The following SEC16A variants were observed in gnomAD, a reference collection of about 807,000 sequenced individuals.
SEC16A encodes protein transport protein Sec16A.
Under a neutral mutation model 221.9 loss-of-function variants are expected in SEC16A, and 110 were observed. The ratio of observed to expected loss-of-function variants is 0.50; its 90% CI spans 0.42 to 0.58. The LOEUF is 0.58. Among genes scored for constraint, SEC16A ranks in the 20% least tolerant of loss-of-function variants. The pLI is 0.00. For missense variants in SEC16A, 3,165 were observed against 3,097.8 expected (o/e 1.02, Z -0.52); for synonymous variants, 1,393 against 1,257.7 (o/e 1.11, Z -2.28).
At position 136,463,489 on chromosome 9, in the gene SEC16A, T is replaced by A. The variant is rs1457892996; in HGVS notation, c.4621A>T (p.Ile1541Phe). ...KESASLLWNF[I>F]VLLCRQNGTV... ...CCATTTTGTCTGCATAAGAGAACAA[T>A]AAAATTCCAAAGAAGACTTGCAGAC... Residue 1541 changes from isoleucine to phenylalanine, a missense_variant, in exon 11 of 32, where the codon ATT becomes TTT. Ile to Phe is a conservative substitution (Grantham distance 21). Coordinates refer to ENST00000684901, the MANE Select transcript of SEC16A (RefSeq NM_014866.2). 1 of 1,613,738 alleles carries A rather than the reference T, an allele frequency of 6.2e-7. No individual in the cohort carries two copies. The highest frequency in any genetic ancestry group is 8.5e-7 in the Non-Finnish European group (1 of 1,179,852).
At chr9:136,442,727 G>A (rs909368126) in intron 31 of SEC16A, among the ~76,000 whole-genome samples, 1 of 152,242 alleles carries the variant, frequency 6.6e-6, no homozygotes, top group South Asian at 2.1e-4. Context: ...CAGGCAGAAC[G>A]GCCCTGGGGT....
At chr9:136,454,685 TC>T (rs1838359307) in intron 20 of SEC16A, among the ~76,000 whole-genome samples, 1 of 152,222 alleles carries the variant, frequency 6.6e-6, no homozygotes, top group South Asian at 2.1e-4. Flanking sequence ...ACTCGTTCAT[TC>T]CTTCATTCTT....
intron 17 of SEC16A, among the ~76,000 whole-genome samples, chr9:136,458,542 G>A (rs1052262314): frequency 1.2e-4 from 18 of 151,634 alleles, no homozygotes; most frequent in Non-Finnish European, 2.5e-4. Context: ...GAAGGAGAAT[G>A]GCGTGAACTC....
chr9:136,484,717 C>T (rs1363847597), upstream of SEC16A: 1 of 1,366,692 alleles, frequency 7.3e-7, no homozygotes, highest in Non-Finnish European at 9.8e-7. Context: ...TTCAGTCCGG[C>T]TGACGTGGCA....
intron 19 of SEC16A, 77 bp downstream of exon 19, chr9:136,455,976 T>A (rs916769698): frequency 3.9e-6 from 5 of 1,294,610 alleles, no homozygotes; most frequent in South Asian, 1.3e-5. Flanking sequence ...TACAGATACA[T>A]ACTTTCAGTG....
rs373370709 is a variant in SEC16A at position 136,471,993 on chromosome 9, G to A, written c.3686C>T (p.Ser1229Leu). Residue 1229 changes from serine (S) to leucine (L), a missense_variant, in exon 4 of 32, where the codon TCG (serine) becomes TTG (leucine). By Grantham distance (145) the Ser-to-Leu change is moderately radical. Around this residue, in one of 3 missense-constraint regions of SEC16A, gnomAD observed 2,030 missense variants for 1,923.1 expected, o/e 1.06. Transcript: ENST00000684901. The part of the protein sequence containing the change: ...ERPSSRASHS[S>L]ERPPPRQGYP... ...GCCGCACCTGGGAGGTGGCCGTTCCGAGGAGTGGCTGGCTCGGGAGCTGGG... is the reference window on the plus strand; with the variant it reads ...GCCGCACCTGGGAGGTGGCCGTTCCAAGGAGTGGCTGGCTCGGGAGCTGGG... 58 of 1,612,190 alleles carry A rather than the reference G, an allele frequency of 3.6e-5. No individual in the cohort carries two copies. The highest frequency in any genetic ancestry group is 1.6e-4 in the African/African-American group (12 of 74,930).
Position 136,441,839 on chromosome 9 carries a change from C to A in SEC16A, c.7006-16G>T, listed in dbSNP as rs1267056800. On this transcript the variant is annotated splice_polypyrimidine_tract_variant and intron_variant, in intron 31 of 31. Coordinates refer to ENST00000684901, the MANE Select transcript of SEC16A (RefSeq NM_014866.2). ...TGGCGCAGGCCTGGAATGAAATCAA[C>A]AGCATGACCTCTGCATGCCTGCCCC... 1.9e-6 allele frequency: 3 copies of A among 1,611,282 alleles called. No homozygotes were observed. In the South Asian group the frequency reaches 3.3e-5, roughly 18 times the overall value.
At position 136,459,424 on chromosome 9, in the gene SEC16A, A is replaced by G; in HGVS notation, c.5303+20T>C. ...CTTTGAAAGGAAAACTTACAGGACT[A>G]CACTGACTTGGTTCTTTACCTGTGA... On this transcript the variant is annotated intron_variant, in intron 16 of 31. Transcript: ENST00000684901. The surrounding 1 kb of genome is among the most constrained non-coding windows in gnomAD (Gnocchi z 6.1). 6.4e-7 allele frequency: 1 copy of G among 1,565,926 alleles called. No individual in the cohort carries two copies. The highest frequency in any genetic ancestry group is 8.7e-7 in the Non-Finnish European group (1 of 1,147,174).
chr9:136,476,392 C>T lies in SEC16A; in HGVS notation c.1224G>A (p.Gly408=), dbSNP rs752432611. 1.9e-6 allele frequency: 3 copies of T among 1,612,760 alleles called. No homozygotes were observed. The African/African-American group carries it at 4.0e-5, about 22-fold the overall frequency. The change falls in exon 3 of 32, where the codon GGG becomes GGA. Residue 408 remains glycine (G), a synonymous_variant. Transcript: ENST00000684901. ...ADFDDFCSSP[G]LGRPPAPTHV... The stretch of plus-strand genomic sequence containing the variant: ...GTGTAGGTGCGGGCGGACGGCCTAG[C>T]CCAGGGCTGGAGCAGAAATCGTCAA...
chr9:136,462,850 A>G (rs776060993), intron 12 of SEC16A, 37 bp downstream of exon 12: 6 of 1,591,278 alleles, frequency 3.8e-6, no homozygotes, highest in East Asian at 2.2e-5. Flanking sequence ...CCCAGTGGAC[A>G]TGTGCAGGCG....
In SEC16A at chr9:136,468,456, T is replaced by C. The variant is rs750310290; in HGVS notation, c.3761A>G (p.Asp1254Gly). 6.2e-7 allele frequency: 1 copy of C among 1,613,624 alleles called. No homozygotes were observed. The change falls in exon 5 of 32, where the codon GAT (aspartate) becomes GGT (glycine). Residue 1254 changes from aspartate to glycine, a missense_variant. By Grantham distance (94) the Asp-to-Gly change is moderately conservative. Coordinates refer to ENST00000684901, the MANE Select transcript of SEC16A (RefSeq NM_014866.2). ...GCTGGAGTAATAGCTTGCATAGTAATCGCTCTGACTGCTCCATCCACTTTT... is the reference window on the plus strand; with the variant it reads ...GCTGGAGTAATAGCTTGCATAGTAACCGCTCTGACTGCTCCATCCACTTTT... ...SSKSGWSSQS[D>G]YYASYYSSQY...
At chr9:136,461,342 G>T in intron 12 of SEC16A, 68 bp from the exon 13 acceptor site, 2 of 1,141,040 alleles carry the variant, frequency 1.8e-6, no homozygotes, top group Non-Finnish European at 2.6e-6. Flanking sequence ...GTCAAGACAG[G>T]CCATGTGTCC....
At chr9:136,456,810 C>T (rs1047473186) in intron 18 of SEC16A, among the ~76,000 whole-genome samples, 1 of 152,212 alleles carries the variant, frequency 6.6e-6, no homozygotes, top group Non-Finnish European at 1.5e-5. Context: ...AGCCAGGACT[C>T]AAGCAAAGGC....
chr9:136,446,960 G>C lies in SEC16A; in HGVS notation c.6698-11C>G. 1.2e-6 allele frequency: 2 copies of C among 1,613,468 alleles called. No individual in the cohort carries two copies. The highest frequency in any genetic ancestry group is 8.5e-7 in the Non-Finnish European group (1 of 1,179,880). The stretch of plus-strand genomic sequence containing the variant: ...GTGGTTCTTCTGCATCTGGGGATGA[G>C]AGAGCGAGGAGGCCATCATTCCGTC... On this transcript the variant is annotated splice_polypyrimidine_tract_variant and intron_variant, in intron 27 of 31. Coordinates refer to ENST00000684901, the MANE Select transcript of SEC16A (RefSeq NM_014866.2).
chr9:136,467,154 A>G, intron 5 of SEC16A, 71 bp from the exon 6 acceptor site: 2 of 1,565,948 alleles, frequency 1.3e-6, no homozygotes, highest in Non-Finnish European at 1.7e-6. Context: ...TCACTAAAGA[A>G]GCGACACCAC....
Position 136,482,995 on chromosome 9 carries a change from C to T in SEC16A, c.-249G>A. The T allele has an allele frequency of 1.0e-6, 1 of 985,310 alleles. No homozygotes were observed. Among genetic ancestry groups the T allele is most frequent in the South Asian group, 4.7e-5 (1 of 21,292 alleles). The allele number at this position is 985,310 out of a possible 1,614,324, so 61.0% of individuals were successfully genotyped here. A position where few individuals can be genotyped will look rare whatever the true frequency, so the allele number is the denominator to read the frequency against. ...CGGGCGAAAGCCCACCCGACGCTGG[C>T]GACGAGCACAGACACCTCAGCCGCC... On this transcript the variant is annotated 5_prime_UTR_variant, in exon 1 of 32. Transcript: ENST00000684901.
At chr9:136,467,547 C>T (rs925800037) in intron 5 of SEC16A, among the ~76,000 whole-genome samples, 5 of 152,050 alleles carry the variant, frequency 3.3e-5, no homozygotes, top group Non-Finnish European at 5.9e-5. Flanking sequence ...AGTTAATCCC[C>T]TAACTGTAAA....
At chr9:136,469,645 AAAAGGGTGAGACCTAAAAAGACTCTTG>A (rs2132643097) in intron 4 of SEC16A, among the ~76,000 whole-genome samples, 1 of 152,356 alleles carries the variant, frequency 6.6e-6, no homozygotes, top group Admixed American at 6.5e-5. Context: ...CAGCCTGGCT[AAAAGGGTGAGACCTAAAAAGACTCTTG>A]AAAGGATGTA....
upstream of SEC16A, chr9:136,483,806 C>T (rs891636617): frequency 2.0e-6 from 2 of 985,236 alleles, no homozygotes; most frequent in African/African-American, 3.5e-5. Flanking sequence ...GCGGCGGCCG[C>T]GCATGCGCCG....
Sources: allele counts gnomAD v4.1 joint callset (sites outside exome capture counted in the v4.1 genomes callset), GRCh38; gene constraint gnomAD v4.1.1; regional missense constraint gnomAD v4.1.1; non-coding constraint Gnocchi (gnomAD v3.1); transcripts MANE v1.5; gene names NCBI Gene and HGNC (gene_info 2026-07-23, HGNC 2026-07-21).